Variants in MYH15 observed in about 807,000 individuals in gnomAD.
The protein encoded by MYH15 is myosin-15.
In MYH15, 227 loss-of-function variants were observed where a neutral mutation model predicts 240.5. The observed-to-expected ratio is 0.94, with a 90% CI of 0.85 to 1.05. The LOEUF (loss-of-function observed/expected upper bound fraction) is 1.05, where lower values mean the gene tolerates loss of function less well. MYH15 is among the 50% of genes least tolerant of loss of function. The pLI is 0.00. For missense variants in MYH15, 2,217 were observed against 2,247.5 expected (o/e 0.99, Z 0.27); for synonymous variants, 785 against 796.7 (o/e 0.99, Z 0.25).
chr3:108,394,823 C>T (rs2082447610), intron 35 of MYH15, among the ~76,000 whole-genome samples: 1 of 152,110 alleles, frequency 6.6e-6, no homozygotes, highest in Non-Finnish European at 1.5e-5. Flanking sequence ...TGTTTGAAGC[C>T]CAGCTTTTCT....
At chr3:108,532,768 C>A (rs1443150977), upstream of MYH15, among the ~76,000 whole-genome samples, 1 of 152,080 alleles carries the variant, frequency 6.6e-6, no homozygotes, top group Non-Finnish European at 1.5e-5. Context: ...GGGTATGGAA[C>A]CCTTGTTGTT....
At chr3:108,458,798 C>CCA (rs1045090644) in intron 18 of MYH15, among the ~76,000 whole-genome samples, 2 of 151,506 alleles carry the variant, frequency 1.3e-5, no homozygotes, top group Non-Finnish European at 2.9e-5. Flanking sequence ...CATCCCCCTA[C>CCA]CACTATTCAC....
Position 108,380,801 on chromosome 3 carries a change from A to G in MYH15, c.*744T>C, listed in dbSNP as rs532505373. The G allele has an allele frequency of 6.6e-6, 1 of 152,350 alleles. No homozygotes were observed. The highest frequency in any genetic ancestry group is 6.5e-5 in the Admixed American group (1 of 15,286). The allele number at this position is 152,350 out of a possible 1,614,324, so 9.4% of individuals were successfully genotyped here. A position where few individuals can be genotyped will look rare whatever the true frequency, so the allele number is the denominator to read the frequency against. On this transcript the variant is annotated 3_prime_UTR_variant, in exon 41 of 41. Coordinates refer to ENST00000693548, the MANE Select transcript of MYH15 (RefSeq NM_014981.3). ...TATGAGTATAAAATAGCTGCTGATC[A>G]AATTAATGCAAATTTCTTTATGACC...
At chr3:108,547,583 A>G in the MYH15 span, among the ~76,000 whole-genome samples, 1 of 152,204 alleles carries the variant, frequency 6.6e-6, no homozygotes, top group African/African-American at 2.4e-5. Context: ...CTTAAACTAC[A>G]GAAAGCAAAT....
chr3:108,522,571 C>T (rs1281228845), intron 1 of MYH15, among the ~76,000 whole-genome samples: 2 of 151,820 alleles, frequency 1.3e-5, no homozygotes, highest in Non-Finnish European at 2.9e-5. Flanking sequence ...GTAACTATGC[C>T]CACCATAGAA....
At chr3:108,441,333 C>G in intron 22 of MYH15, 73 bp from the exon 23 acceptor site, 1 of 1,542,280 alleles carries the variant, frequency 6.5e-7, no homozygotes, top group Non-Finnish European at 8.9e-7. Context: ...TGCTGCTTAA[C>G]ACACAGCAAA....
intron 32 of MYH15, among the ~76,000 whole-genome samples, chr3:108,406,813 T>G (rs2082549999): frequency 6.6e-6 from 1 of 152,166 alleles, no homozygotes; most frequent in South Asian, 2.1e-4. Flanking sequence ...TTCCTGTCAT[T>G]CTCACCCTTG....
intron 24 of MYH15, 27 bp from the exon 25 acceptor site, chr3:108,437,726 A>C (rs539979550): frequency 4.2e-5 from 68 of 1,600,686 alleles, no homozygotes; most frequent in Non-Finnish European, 5.5e-5. Flanking sequence ...TTATTTAGCT[A>C]AATAAATAGG....
rs991895527 is a variant in MYH15, at chr3:108,380,820, T to C, written c.*725A>G. On this transcript the variant is annotated 3_prime_UTR_variant, in exon 41 of 41. Coordinates refer to ENST00000693548, the MANE Select transcript of MYH15 (RefSeq NM_014981.3). Reference sequence around the variant, plus strand: ...CTGATCAAATTAATGCAAATTTCTTTATGACCTACTCCAATCCAGAACCAT... The same window carrying C: ...CTGATCAAATTAATGCAAATTTCTTCATGACCTACTCCAATCCAGAACCAT... The C allele has an allele frequency of 1.3e-5, 2 of 152,440 alleles. No individual in the cohort carries two copies. Among genetic ancestry groups the C allele is most frequent in the Non-Finnish European group, 2.9e-5 (2 of 68,228 alleles). The allele number at this position is 152,440 out of a possible 1,614,324, so 9.4% of individuals were successfully genotyped here. A position where few individuals can be genotyped will look rare whatever the true frequency, so the allele number is the denominator to read the frequency against.
upstream of MYH15, among the ~76,000 whole-genome samples, chr3:108,532,125 A>G (rs1236928329): frequency 1.3e-5 from 2 of 152,176 alleles, no homozygotes; most frequent in Non-Finnish European, 2.9e-5. Context: ...TTCCCTATAT[A>G]AAGATCCTAA....
chr3:108,487,878 G>C (rs1468140290), intron 9 of MYH15, among the ~76,000 whole-genome samples: 1 of 152,112 alleles, frequency 6.6e-6, no homozygotes. Flanking sequence ...AGCAGAAGGT[G>C]AATATGTGTA....
rs1447567943 is a variant in MYH15 at position 108,460,344 on chromosome 3, G to A, written c.1888C>T (p.Arg630Ter). The A allele has an allele frequency of 1.4e-5, 22 of 1,594,208 alleles. No individual in the cohort carries two copies. Among genetic ancestry groups the A allele is most frequent in the East Asian group, 2.3e-5 (1 of 44,404 alleles). The change falls in exon 17 of 41, where the codon CGA becomes TGA. Residue 630 changes from arginine to a stop codon, truncating the protein, a stop_gained. Transcript: ENST00000693548. LOFTEE classifies it high-confidence loss of function. The part of the protein sequence containing the change: ...DSAIPFGEKK[R>*]KKGASFQTVA... ...GTTTGGAATGAAGCTCCTTTCTTTC[G>A]TTTCTTCTCCCCAAATGGTATAGCT...
chr3:108,485,377 G>T, intron 10 of MYH15, 148 bp from the exon 11 acceptor site: 1 of 841,386 alleles, frequency 1.2e-6, no homozygotes, highest in Non-Finnish European at 1.9e-6. Context: ...AGCCCTGTTG[G>T]CACTTGGTCA....
At position 108,414,430 on chromosome 3, in the gene MYH15, T is replaced by G; in HGVS notation, c.3949-2A>C. The G allele has an allele frequency of 6.2e-7, 1 of 1,611,656 alleles. No individual in the cohort carries two copies. Among genetic ancestry groups the G allele is most frequent in the Non-Finnish European group, 8.5e-7 (1 of 1,178,608 alleles). On this transcript the variant is annotated splice_acceptor_variant, in intron 29 of 40. Transcript: ENST00000693548. LOFTEE classifies it high-confidence loss of function. ...GGCATGGGCCAGGGCACTCTGGGAC[T>G]GTAGGGGACACACATTAACAAAAAG...
chr3:108,492,912 G>A (rs1278585311), intron 8 of MYH15, among the ~76,000 whole-genome samples: 2 of 151,438 alleles, frequency 1.3e-5, no homozygotes, highest in Non-Finnish European at 2.9e-5. Context: ...ATCATGCCAC[G>A]GCACTCCAGC....
the MYH15 span, among the ~76,000 whole-genome samples, chr3:108,541,946 C>T: frequency 3.9e-5 from 6 of 152,042 alleles, no homozygotes; most frequent in Non-Finnish European, 7.4e-5. Flanking sequence ...TAGGTATACA[C>T]ATTTATGTAT....
chr3:108,437,440 G>A, intron 25 of MYH15, 114 bp downstream of exon 25: 1 of 1,325,894 alleles, frequency 7.5e-7, no homozygotes, highest in Non-Finnish European at 1.0e-6. Flanking sequence ...TGTTATCCTT[G>A]CCTTGGGTCT....
At chr3:108,406,705 A>G (rs148968341) in intron 32 of MYH15, among the ~76,000 whole-genome samples, 3 of 152,324 alleles carry the variant, frequency 2.0e-5, no homozygotes, top group Non-Finnish European at 4.4e-5. Flanking sequence ...GTCCAAGTTG[A>G]TGAAGTATTT....
chr3:108,537,826 T>A, the MYH15 span, among the ~76,000 whole-genome samples: 1 of 152,072 alleles, frequency 6.6e-6, no homozygotes, highest in African/African-American at 2.4e-5. Context: ...GAAAAATAAT[T>A]AAAATGGGAA....
Sources: allele counts gnomAD v4.1 joint callset (sites outside exome capture counted in the v4.1 genomes callset), GRCh38; gene constraint gnomAD v4.1.1; transcripts MANE v1.5; gene names NCBI Gene and HGNC (gene_info 2026-07-23, HGNC 2026-07-21).